Variants in TPCN1 observed in about 807,000 individuals in gnomAD.
The protein encoded by TPCN1 is two pore segment channel 1.
TPCN1 carries 52 observed loss-of-function variants against 108.8 expected under a neutral mutation model. That is an observed-to-expected ratio of 0.48 (90% confidence interval 0.38 to 0.60). The LOEUF (loss-of-function observed/expected upper bound fraction) is 0.60. TPCN1 is among the 20% of genes least tolerant of loss of function. The pLI is 0.00. For synonymous variants in TPCN1, 446 were observed against 433.7 expected (o/e 1.03, Z -0.35); for missense variants, 806 against 1,072.8 (o/e 0.75, Z 3.47).
In TPCN1 at chr12:113,289,723, G is replaced by A. The variant is rs1203486931; in HGVS notation, c.1797-405G>A. 2.0e-5 allele frequency among the ~76,000 whole-genome samples: 3 copies of A among 152,230 alleles called. No individual in the cohort carries two copies. Among genetic ancestry groups the A allele is most frequent in the African/African-American group, 7.2e-5 (3 of 41,452 alleles). On this transcript the variant is annotated intron_variant, in intron 21 of 27. Coordinates refer to ENST00000335509, the MANE Select transcript of TPCN1 (RefSeq NM_017901.6). This position sits in a 1 kb window ranked among gnomAD's most constrained non-coding sequence, Gnocchi z 4.1. Reference sequence around the variant, plus strand: ...CAAATACTTGCTCAGGCCAAGTATTGGGGAAGCCCCAGTAGGGAATTCCTT... The same window carrying A: ...CAAATACTTGCTCAGGCCAAGTATTAGGGAAGCCCCAGTAGGGAATTCCTT...
In TPCN1 at chr12:113,266,169, C is replaced by T; in HGVS notation, c.238-11C>T. The T allele has an allele frequency of 6.2e-7, 1 of 1,613,806 alleles. No individual in the cohort carries two copies. Among genetic ancestry groups the T allele is most frequent in the Non-Finnish European group, 8.5e-7 (1 of 1,179,840 alleles). ...CAGGCTTACATGCCCACACTACTCTCATCTTTTCAGGAAGGCGAGAACAAC... is the reference window on the plus strand; with the variant it reads ...CAGGCTTACATGCCCACACTACTCTTATCTTTTCAGGAAGGCGAGAACAAC... On this transcript the variant is annotated splice_polypyrimidine_tract_variant and intron_variant, in intron 3 of 27. Transcript: ENST00000335509. This position sits in a 1 kb window ranked among gnomAD's most constrained non-coding sequence, Gnocchi z 4.2.
intron 3 of TPCN1, among the ~76,000 whole-genome samples, chr12:113,263,764 C>G (rs922349191): frequency 6.6e-6 from 1 of 152,232 alleles, no homozygotes; most frequent in African/African-American, 2.4e-5. Context: ...AAACAGTACT[C>G]ATTTCTGTGT....
In TPCN1 at chr12:113,269,605, C is replaced by T. The variant is rs1955412741; in HGVS notation, c.660-152C>T. On this transcript the variant is annotated intron_variant, in intron 6 of 27. Coordinates refer to ENST00000335509, the MANE Select transcript of TPCN1 (RefSeq NM_017901.6). The surrounding 1 kb of genome is among the most constrained non-coding windows in gnomAD (Gnocchi z 5.0). ...TCCGCTGAGTGGGGGTCTCAAGCCA[C>T]TTTAGGAAAAAATGAAGCATGATGT... The T allele has an allele frequency of 1.5e-6, 1 of 687,752 alleles. No individual in the cohort carries two copies. Among genetic ancestry groups the T allele is most frequent in the African/African-American group, 1.8e-5 (1 of 55,564 alleles). The allele number at this position is 687,752 out of a possible 1,614,324, so 42.6% of individuals were successfully genotyped here. A position where few individuals can be genotyped will look rare whatever the true frequency, so the allele number is the denominator to read the frequency against.
Position 113,268,099 on chromosome 12 carries a change from G to A in TPCN1, c.528+143G>A, listed in dbSNP as rs551705481. On this transcript the variant is annotated intron_variant, in intron 5 of 27. Coordinates refer to ENST00000335509, the MANE Select transcript of TPCN1 (RefSeq NM_017901.6). The surrounding 1 kb of genome is among the most constrained non-coding windows in gnomAD (Gnocchi z 7.3). ...TAACCCTAGGGTCCCTGTCCTGACC[G>A]TGCCCTCAGCCTTGTGGGTGCCCTG... 9.0e-4 allele frequency: 594 copies of A among 659,836 alleles called. 3 individuals are homozygous for A. Among genetic ancestry groups the A allele is most frequent in the East Asian group, 1.4e-3 (50 of 36,370 alleles). The allele number at this position is 659,836 out of a possible 1,614,324, so 40.9% of individuals were successfully genotyped here. A position where few individuals can be genotyped will look rare whatever the true frequency, so the allele number is the denominator to read the frequency against.
rs568935958 is a variant in TPCN1 at position 113,297,017 on chromosome 12, A to G, written c.*941A>G. On this transcript the variant is annotated 3_prime_UTR_variant, in exon 28 of 28. Transcript: ENST00000335509. This position sits in a 1 kb window ranked among gnomAD's most constrained non-coding sequence, Gnocchi z 4.4. ...GAACAGGAGCGAACAGCACAGAGAG[A>G]CGCTCCCTGTGGGACGCAGCAGCCC... 169 of 152,374 alleles carry G rather than the reference A, an allele frequency of 1.1e-3. No individual in the cohort carries two copies. Among genetic ancestry groups the G allele is most frequent in the Non-Finnish European group, 5.4e-4 (37 of 68,098 alleles). The allele number at this position is 152,374 out of a possible 1,614,324, so 9.4% of individuals were successfully genotyped here. A position where few individuals can be genotyped will look rare whatever the true frequency, so the allele number is the denominator to read the frequency against.
chr12:113,254,466 A>C (rs1371763334), intron 2 of TPCN1, among the ~76,000 whole-genome samples: 3 of 152,220 alleles, frequency 2.0e-5, no homozygotes, highest in African/African-American at 7.2e-5. Flanking sequence ...AGGATAATAC[A>C]TCATGACTAG....
rs1384963435 is a variant in TPCN1, at chr12:113,284,793, G to C, written c.1453+22G>C. The C allele has an allele frequency of 6.2e-7, 1 of 1,613,700 alleles. No homozygotes were observed. Among genetic ancestry groups the C allele is most frequent in the South Asian group, 1.1e-5 (1 of 91,074 alleles). On this transcript the variant is annotated intron_variant, in intron 17 of 27. Transcript: ENST00000335509. The surrounding 1 kb of genome is among the most constrained non-coding windows in gnomAD (Gnocchi z 4.1). The stretch of plus-strand genomic sequence containing the variant: ...ACTAGTACGTTTCCGACATGGCTTT[G>C]CTGGACTGCTTGTTTTAAAATTGTC...
At chr12:113,291,554 C>A in intron 23 of TPCN1, 55 bp from the exon 24 acceptor site, 1 of 1,505,090 alleles carries the variant, frequency 6.6e-7, no homozygotes, top group East Asian at 2.4e-5. Flanking sequence ...CCTGTGTAGA[C>A]GGGGACCTGC....
At chr12:113,230,647 T>A in intron 2 of TPCN1, among the ~76,000 whole-genome samples, 1 of 152,148 alleles carries the variant, frequency 6.6e-6, no homozygotes, top group South Asian at 2.1e-4. Context: ...ACAGTCACAT[T>A]CTTTCACCAT....
At chr12:113,271,649 A>G (rs577036801) in intron 7 of TPCN1, among the ~76,000 whole-genome samples, 2 of 152,240 alleles carry the variant, frequency 1.3e-5, no homozygotes, top group Non-Finnish European at 2.9e-5. Context: ...CGGAGCAAGT[A>G]TGCCAAAGCT....
intron 2 of TPCN1, chr12:113,249,319 G>A (rs565027337): frequency 9.2e-5 from 14 of 152,330 alleles, no homozygotes; most frequent in South Asian, 6.2e-4. Flanking sequence ...AGTGGCCGGC[G>A]TACCGCACGG....
intron 1 of TPCN1, chr12:113,225,195 C>T: frequency 4.4e-6 from 2 of 450,792 alleles, no homozygotes; most frequent in Admixed American, 2.4e-5. Flanking sequence ...GCTAGGCCTA[C>T]AGGCATATGC....
chr12:113,269,703 C>G lies in TPCN1; in HGVS notation c.660-54C>G. 1 of 1,532,144 alleles carries G rather than the reference C, an allele frequency of 6.5e-7. No homozygotes were observed. The highest frequency in any genetic ancestry group is 1.4e-5 in the African/African-American group (1 of 73,408). 94.9% of individuals were successfully genotyped at this position (1,532,144 alleles called of 1,614,324 possible). A position where few individuals can be genotyped will look rare whatever the true frequency, so the allele number is the denominator to read the frequency against. ...GCCTCCATCTCAACAAGGAGGAGTC[C>G]CAGGCAGCCCGCCCCAGCTGGTGCC... On this transcript the variant is annotated intron_variant, in intron 6 of 27. Transcript: ENST00000335509. The surrounding 1 kb of genome is among the most constrained non-coding windows in gnomAD (Gnocchi z 5.0).
chr12:113,261,029 C>G (rs1955010215), intron 3 of TPCN1, among the ~76,000 whole-genome samples: 1 of 151,996 alleles, frequency 6.6e-6, no homozygotes, highest in Non-Finnish European at 1.5e-5. Flanking sequence ...CCTGTCTCTA[C>G]TAAAAATACA....
chr12:113,286,031 A>T (rs919304808), intron 18 of TPCN1, 70 bp downstream of exon 18: 1 of 1,359,906 alleles, frequency 7.4e-7, no homozygotes, highest in African/African-American at 1.4e-5. Flanking sequence ...TTCTCTGCAC[A>T]CCCTGATCCC....
At chr12:113,256,740 C>T (rs1430751553) in intron 2 of TPCN1, among the ~76,000 whole-genome samples, 2 of 152,058 alleles carry the variant, frequency 1.3e-5, no homozygotes, top group African/African-American at 2.4e-5. Context: ...CACTGCGTTG[C>T]CCAGGTTAAT....
chr12:113,240,325 T>C (rs553072820), intron 2 of TPCN1, among the ~76,000 whole-genome samples: 39 of 152,336 alleles, frequency 2.6e-4, no homozygotes, highest in African/African-American at 9.1e-4. Flanking sequence ...AATGTGTGTC[T>C]ATTGAGGAGT....
Position 113,266,413 on chromosome 12 carries a change from G to A in TPCN1, c.414+57G>A, listed in dbSNP as rs1955264176. ...GGGAGCCACGGCTTTCAGGGCAAGC[G>A]ATGGAACTCCAAAAAGGAACATTCT... On this transcript the variant is annotated intron_variant, in intron 4 of 27. Transcript: ENST00000335509. The surrounding 1 kb of genome is among the most constrained non-coding windows in gnomAD (Gnocchi z 4.2). 4.4e-6 allele frequency: 7 copies of A among 1,581,608 alleles called. No individual in the cohort carries two copies. The South Asian group carries it at 4.5e-5, about 10-fold the overall frequency.
intron 15 of TPCN1, among the ~76,000 whole-genome samples, chr12:113,282,087 ATTT>A (rs1247829773): frequency 1.1e-5 from 1 of 92,060 alleles, no homozygotes; most frequent in African/African-American, 4.5e-5. Context: ...CACCCGGCTA[ATTT>A]TTTTTTTTTT....
Sources: allele counts gnomAD v4.1 joint callset (sites outside exome capture counted in the v4.1 genomes callset), GRCh38; gene constraint gnomAD v4.1.1; non-coding constraint Gnocchi (gnomAD v3.1); transcripts MANE v1.5; gene names NCBI Gene and HGNC (gene_info 2026-07-23, HGNC 2026-07-21).